ANO2: variants seen among roughly 807,000 people sequenced by gnomAD.
ANO2 encodes anoctamin-2.
ANO2 carries 101 observed loss-of-function variants against 124.2 expected under a neutral mutation model. The ratio of observed to expected loss-of-function variants is 0.81; its 90% CI spans 0.69 to 0.96. The LOEUF (loss-of-function observed/expected upper bound fraction) is 0.96. Among genes scored for constraint, ANO2 ranks in the 40% least tolerant of loss-of-function variants. The probability of loss-of-function intolerance (pLI) is 0.00; values close to 1 mark genes in which losing one functional copy is unlikely to be tolerated. For missense variants in ANO2, 1,293 were observed against 1,274.5 expected (o/e 1.01, Z -0.22); for synonymous variants, 486 against 482.5 (o/e 1.01, Z -0.09).
chr12:5,878,346 G>T (rs1379122179), intron 3 of ANO2, among the ~76,000 whole-genome samples: 1 of 152,228 alleles, frequency 6.6e-6, no homozygotes, highest in East Asian at 1.9e-4. Context: ...TGGTGGAATC[G>T]AGATTCATGC....
At chr12:5,653,018 G>C (rs1278337952) in intron 14 of ANO2, among the ~76,000 whole-genome samples, 2 of 152,096 alleles carry the variant, frequency 1.3e-5, no homozygotes, top group Non-Finnish European at 2.9e-5. Flanking sequence ...GCTTAAAGCA[G>C]GACTGTAAAG....
intron 4 of ANO2, among the ~76,000 whole-genome samples, chr12:5,843,390 A>G (rs1452197747): frequency 6.6e-6 from 1 of 151,964 alleles, no homozygotes; most frequent in African/African-American, 2.4e-5. Context: ...TCTCTAGTAA[A>G]AATACAAAAA....
At chr12:5,694,669 C>T (rs1176378662) in intron 14 of ANO2, among the ~76,000 whole-genome samples, 1 of 152,102 alleles carries the variant, frequency 6.6e-6, no homozygotes, top group African/African-American at 2.4e-5. Flanking sequence ...AAATTTTGCC[C>T]CTGGAAAGAA....
intron 14 of ANO2, among the ~76,000 whole-genome samples, chr12:5,668,208 G>A (rs1475940550): frequency 6.6e-6 from 1 of 152,134 alleles, no homozygotes; most frequent in East Asian, 1.9e-4. Context: ...AACCTCACCA[G>A]CATCTGTTGT....
Position 5,807,343 on chromosome 12 carries a change from A to G in ANO2, c.918T>C (p.Asn306=). 6.4e-7 allele frequency: 1 copy of G among 1,556,630 alleles called. No homozygotes were observed. The highest frequency in any genetic ancestry group is 8.7e-7 in the Non-Finnish European group (1 of 1,149,752). The change falls in exon 8 of 25, where the codon AAT becomes AAC. Residue 306 remains asparagine, a synonymous_variant. Transcript: ENST00000682330. ...TMGINSLIAN[N]IYEAAYPLHD... Reference sequence around the variant, plus strand: ...GAAGAGGGTAGGCAGCCTCATAGATATTGTTTGCGATCAGAGAGTTAATAC... The same window carrying G: ...GAAGAGGGTAGGCAGCCTCATAGATGTTGTTTGCGATCAGAGAGTTAATAC...
At chr12:5,785,994 G>A (rs1952529193) in intron 10 of ANO2, among the ~76,000 whole-genome samples, 2 of 151,508 alleles carry the variant, frequency 1.3e-5, no homozygotes, top group African/African-American at 4.9e-5. Context: ...AAGCCAGAGA[G>A]GCGAAAGAAA....
At chr12:5,916,585 CT>C (rs1462963381) in intron 3 of ANO2, among the ~76,000 whole-genome samples, 1 of 148,476 alleles carries the variant, frequency 6.7e-6, no homozygotes, top group Non-Finnish European at 1.5e-5. Context: ...AGTTCATTAA[CT>C]GTAACAAATG....
chr12:5,945,733 G>A (rs559970422), upstream of ANO2, among the ~76,000 whole-genome samples: 4 of 152,348 alleles, frequency 2.6e-5, no homozygotes, highest in African/African-American at 9.6e-5. Flanking sequence ...TCCCACACCT[G>A]TCTCCATACT....
chr12:5,605,218 C>T (rs1015230362), intron 19 of ANO2, among the ~76,000 whole-genome samples: 3 of 152,200 alleles, frequency 2.0e-5, no homozygotes, highest in African/African-American at 7.2e-5. Context: ...TGATACCTGA[C>T]AAGGTTCAAA....
At chr12:5,773,100 T>C (rs749388559) in intron 10 of ANO2, among the ~76,000 whole-genome samples, 3 of 152,258 alleles carry the variant, frequency 2.0e-5, no homozygotes, top group Non-Finnish European at 4.4e-5. Flanking sequence ...GCCTTGGCAG[T>C]GGGTGCCACA....
rs747479368 is a variant in ANO2 at position 5,787,289 on chromosome 12, A to G, written c.1055+12218T>C. 6.6e-6 allele frequency among the ~76,000 whole-genome samples: 1 copy of G among 152,158 alleles called. No homozygotes were observed. Among genetic ancestry groups the G allele is most frequent in the Non-Finnish European group, 1.5e-5 (1 of 68,018 alleles). On this transcript the variant is annotated intron_variant, in intron 10 of 24. Transcript: ENST00000682330. This position sits in a 1 kb window ranked among gnomAD's most constrained non-coding sequence, Gnocchi z 4.2. ...GCACCACCCACACACAGGCACTCAC[A>G]TAAGCCAAACCTTTCAATGATGTAC...
intron 3 of ANO2, among the ~76,000 whole-genome samples, chr12:5,915,412 T>A (rs575262761): frequency 6.6e-6 from 1 of 152,314 alleles, no homozygotes; most frequent in Admixed American, 6.5e-5. Flanking sequence ...TATCATCCTG[T>A]CAAAAGCATG....
chr12:5,678,093 C>A (rs978543955), intron 14 of ANO2, among the ~76,000 whole-genome samples: 1 of 152,170 alleles, frequency 6.6e-6, no homozygotes, highest in Non-Finnish European at 1.5e-5. Context: ...TGATGTGGAC[C>A]AAGCTCGCTT....
intron 14 of ANO2, among the ~76,000 whole-genome samples, chr12:5,716,758 G>A (rs1043252736): frequency 3.9e-5 from 6 of 152,256 alleles, no homozygotes; most frequent in African/African-American, 9.6e-5. Flanking sequence ...GGAGAATCAC[G>A]AAGCTGTATC....
intron 23 of ANO2, 139 bp downstream of exon 23, chr12:5,575,695 G>A: frequency 1.1e-6 from 1 of 946,008 alleles, no homozygotes; most frequent in Non-Finnish European, 1.5e-6. Context: ...AATCTTACGG[G>A]ACAATCGCCA....
chr12:5,874,430 C>A (rs1243137696), intron 3 of ANO2, among the ~76,000 whole-genome samples: 2 of 152,210 alleles, frequency 1.3e-5, no homozygotes, highest in Non-Finnish European at 2.9e-5. Context: ...AGGGCCTTCC[C>A]AACTCCAGAG....
At chr12:5,569,107 T>A (rs1305719257) in intron 23 of ANO2, among the ~76,000 whole-genome samples, 1 of 152,252 alleles carries the variant, frequency 6.6e-6, no homozygotes, top group Non-Finnish European at 1.5e-5. Flanking sequence ...ATGTAAGCAC[T>A]AAATGCTGCA....
At chr12:5,919,698 C>CATT (rs1023251736) in intron 3 of ANO2, among the ~76,000 whole-genome samples, 1 of 100,788 alleles carries the variant, frequency 9.9e-6, no homozygotes, top group African/African-American at 3.1e-5. Flanking sequence ...AAGGGAAGGT[C>CATT]ATTTTTTTTT....
intron 23 of ANO2, among the ~76,000 whole-genome samples, chr12:5,575,491 C>T (rs902559231): frequency 3.3e-5 from 5 of 152,124 alleles, no homozygotes; most frequent in Non-Finnish European, 7.3e-5. Context: ...CATCACAGAA[C>T]GTGCTTATAC....
Sources: allele counts gnomAD v4.1 joint callset (sites outside exome capture counted in the v4.1 genomes callset), GRCh38; gene constraint gnomAD v4.1.1; non-coding constraint Gnocchi (gnomAD v3.1); transcripts MANE v1.5; gene names NCBI Gene and HGNC (gene_info 2026-07-23, HGNC 2026-07-21).